Variants in MIS18A observed in about 807,000 individuals in gnomAD.
MIS18A encodes the protein MIS18 kinetochore protein A.
MIS18A carries 14 observed loss-of-function variants against 25.0 expected under a neutral mutation model. The observed-to-expected ratio is 0.56, with a 90% confidence interval of 0.37 to 0.88. The LOEUF (loss-of-function observed/expected upper bound fraction) is 0.88, where lower values mean the gene tolerates loss of function less well. Among genes scored for constraint, MIS18A ranks in the 40% least tolerant of loss-of-function variants. MIS18A has a pLI of 0.00. For synonymous variants in MIS18A, 134 were observed against 118.6 expected (o/e 1.13, Z -0.84); for missense variants, 292 against 290.8 (o/e 1.00, Z -0.03).
chr21:32,232,078 C>T, the MIS18A span, among the ~76,000 whole-genome samples: 1 of 152,148 alleles, frequency 6.6e-6, no homozygotes, highest in Admixed American at 6.5e-5. Flanking sequence ...ACAACCTAAG[C>T]ATCTGTCAAC....
the MIS18A span, among the ~76,000 whole-genome samples, chr21:32,210,745 T>TTA: frequency 3.3e-5 from 5 of 152,196 alleles, no homozygotes; most frequent in Admixed American, 3.3e-4. Context: ...CACTCATTGT[T>TTA]AATAGAGGCA....
chr21:32,270,119 CA>C (rs2031684919), intron 3 of MIS18A, among the ~76,000 whole-genome samples: 1 of 151,998 alleles, frequency 6.6e-6, no homozygotes, highest in African/African-American at 2.4e-5. Flanking sequence ...AAGCTGGGGG[CA>C]GGGGGCAATA....
the MIS18A span, among the ~76,000 whole-genome samples, chr21:32,186,710 A>G: frequency 6.6e-6 from 1 of 152,224 alleles, no homozygotes; most frequent in African/African-American, 2.4e-5. Flanking sequence ...CTTTAAACAA[A>G]GTACCATTCA....
intron 1 of MIS18A, among the ~76,000 whole-genome samples, chr21:32,277,531 C>A (rs1601082412): frequency 3.3e-5 from 5 of 152,320 alleles, no homozygotes; most frequent in Admixed American, 3.3e-4. Context: ...CGGCCCACTG[C>A]AACCTCCGCC....
chr21:32,240,299 A>C, the MIS18A span, among the ~76,000 whole-genome samples: 1 of 152,254 alleles, frequency 6.6e-6, no homozygotes. Flanking sequence ...TGAAGCCCTC[A>C]CGAATGGGAT....
chr21:32,203,712 G>C, the MIS18A span, among the ~76,000 whole-genome samples: 1 of 146,934 alleles, frequency 6.8e-6, no homozygotes, highest in Non-Finnish European at 1.5e-5. Flanking sequence ...TAATTTCTGG[G>C]CTCAAGTGAT....
chr21:32,250,090 G>C, the MIS18A span, among the ~76,000 whole-genome samples: 3 of 152,010 alleles, frequency 2.0e-5, no homozygotes, highest in Non-Finnish European at 4.4e-5. Context: ...CCTTCCCGTG[G>C]CACTATGCCC....
At chr21:32,269,481 T>C (rs998974496) in intron 4 of MIS18A, 4 of 492,740 alleles carry the variant, frequency 8.1e-6, no homozygotes, top group Non-Finnish European at 1.4e-5. Flanking sequence ...AGTGTTTTAA[T>C]ATATAGTTTT....
the MIS18A span, chr21:32,156,618 T>G: frequency 6.6e-6 from 1 of 152,242 alleles, no homozygotes; most frequent in Non-Finnish European, 1.5e-5. Flanking sequence ...ATTTCACATT[T>G]TATAATTCTA....
the MIS18A span, among the ~76,000 whole-genome samples, chr21:32,167,942 C>T: frequency 6.6e-6 from 1 of 152,074 alleles, no homozygotes; most frequent in Non-Finnish European, 1.5e-5. Flanking sequence ...ATGGACTGAA[C>T]GATTGTGTCC....
the MIS18A span, among the ~76,000 whole-genome samples, chr21:32,221,650 C>T: frequency 7.5e-4 from 110 of 147,082 alleles, no homozygotes; most frequent in African/African-American, 2.4e-3. Flanking sequence ...GAGGCCGAGG[C>T]GGGTGGATCA....
the MIS18A span, among the ~76,000 whole-genome samples, chr21:32,162,622 T>C: frequency 6.6e-6 from 1 of 152,200 alleles, no homozygotes; most frequent in Admixed American, 6.5e-5. Context: ...TACTCTCTAA[T>C]CAGACATGGA....
At chr21:32,256,930 C>G in the MIS18A span, among the ~76,000 whole-genome samples, 2 of 152,046 alleles carry the variant, frequency 1.3e-5, no homozygotes, top group African/African-American at 4.8e-5. Context: ...CAGGCTAGAA[C>G]GAAAGTCTGC....
At chr21:32,278,224 T>C (rs1601082928) in intron 1 of MIS18A, 1 of 161,610 alleles carries the variant, frequency 6.2e-6, no homozygotes, top group Non-Finnish European at 1.3e-5. Flanking sequence ...TTCTTCCCTA[T>C]AGCACTGTGT....
At chr21:32,194,643 G>A in the MIS18A span, among the ~76,000 whole-genome samples, 681 of 150,808 alleles carry the variant, frequency 4.5e-3, 39 homozygotes, top group East Asian at 0.11. Flanking sequence ...TGGGCAACAA[G>A]AGCAAAACTC....
At chr21:32,165,329 T>C in the MIS18A span, among the ~76,000 whole-genome samples, 3 of 150,428 alleles carry the variant, frequency 2.0e-5, no homozygotes, top group Non-Finnish European at 4.4e-5. Context: ...ATGAAGAACA[T>C]AGAAGCCCAA....
the MIS18A span, among the ~76,000 whole-genome samples, chr21:32,175,022 T>C: frequency 2.0e-5 from 3 of 152,194 alleles, no homozygotes; most frequent in East Asian, 5.8e-4. Flanking sequence ...AAGTTTGTTA[T>C]TGAGCAAACA....
At position 32,278,963 on chromosome 21, in the gene MIS18A, C is replaced by CA. The variant is rs2031878914; in HGVS notation, c.51dup (p.Glu18Ter). On this transcript the variant is annotated frameshift_variant, in exon 1 of 5. Coordinates refer to ENST00000290130, the MANE Select transcript of MIS18A (RefSeq NM_018944.3). LOFTEE classifies it high-confidence loss of function. ...CTGCATTTGCCCTTGTCGCCGCACTCACAGCCGCCAGCGCATCCTCTGCTA... is the reference window on the plus strand; with the variant it reads ...CTGCATTTGCCCTTGTCGCCGCACTCAACAGCCGCCAGCGCATCCTCTGCTA... 6.2e-7 allele frequency: 1 copy of CA among 1,612,090 alleles called. No homozygotes were observed. The highest frequency in any genetic ancestry group is 1.3e-5 in the African/African-American group (1 of 74,938).
At chr21:32,247,540 T>C in the MIS18A span, among the ~76,000 whole-genome samples, 2 of 152,196 alleles carry the variant, frequency 1.3e-5, no homozygotes, top group African/African-American at 4.8e-5. Flanking sequence ...AAAATTCATA[T>C]GTTAAAGTCC....
Sources: gnomAD v4.1 joint callset for allele counts (sites outside exome capture counted in the v4.1 genomes callset) on GRCh38, gnomAD v4.1.1 for gene constraint, MANE v1.5 for transcripts, NCBI Gene and HGNC (gene_info 2026-07-23, HGNC 2026-07-21) for gene names.